Variants in RBFOX1 observed in about 807,000 individuals in gnomAD.
RBFOX1 encodes the protein RNA binding fox-1 homolog 1.
RBFOX1 carries 8 observed loss-of-function variants against 57.7 expected under a neutral mutation model. The observed-to-expected ratio is 0.14, with a 90% CI of 0.08 to 0.25. The LOEUF (loss-of-function observed/expected upper bound fraction) is 0.25. Among genes scored for constraint, RBFOX1 ranks in the 10% least tolerant of loss-of-function variants. RBFOX1 has a pLI of 1.00. For synonymous variants in RBFOX1, 326 were observed against 222.4 expected (o/e 1.47, Z -4.15); for missense variants, 611 against 548.5 (o/e 1.11, Z -1.14).
At chr16:5,793,581 G>GC (rs1350425716) in intron 3 of RBFOX1, among the ~76,000 whole-genome samples, 6 of 152,114 alleles carry the variant, frequency 3.9e-5, no homozygotes, top group Non-Finnish European at 5.9e-5. Context: ...CAGCCCCCAG[G>GC]CCCCTCTCTT....
chr16:7,137,288 G>A (rs1355866878), intron 4 of RBFOX1, among the ~76,000 whole-genome samples: 1 of 152,126 alleles, frequency 6.6e-6, no homozygotes, highest in South Asian at 2.1e-4. Context: ...CGGTTTGGCT[G>A]TGTCCCCAGC....
intron 2 of RBFOX1, among the ~76,000 whole-genome samples, chr16:6,559,413 A>G (rs2097149721): frequency 6.6e-6 from 1 of 152,126 alleles, no homozygotes; most frequent in Non-Finnish European, 1.5e-5. Context: ...CACAGCTGCT[A>G]GTACCACTGC....
At chr16:6,727,908 A>C (rs1259912285) in intron 3 of RBFOX1, among the ~76,000 whole-genome samples, 1 of 152,194 alleles carries the variant, frequency 6.6e-6, no homozygotes, top group Non-Finnish European at 1.5e-5. Context: ...GAAATCATAC[A>C]GCCTGTTTTG....
chr16:5,826,731 T>G (rs930687508), intron 3 of RBFOX1, among the ~76,000 whole-genome samples: 1 of 152,258 alleles, frequency 6.6e-6, no homozygotes, highest in Non-Finnish European at 1.5e-5. Context: ...ATCACATCCA[T>G]ATGCTGTCCT....
In RBFOX1 at chr16:6,641,888, A is replaced by AAC. The variant is rs973576260; in HGVS notation, c.-63-12706_-63-12705dup. On this transcript the variant is annotated intron_variant, in intron 2 of 15. Coordinates refer to ENST00000550418, the MANE Select transcript of RBFOX1 (RefSeq NM_018723.4). Reference sequence around the variant, plus strand: ...ATTACCCACTTTAGCTCACCTGGGGAACACACACACCACTGACCCAGTTAG... The same window carrying AAC: ...ATTACCCACTTTAGCTCACCTGGGGAACACACACACACCACTGACCCAGTTAG... 2.6e-5 allele frequency among the ~76,000 whole-genome samples: 4 copies of AAC among 151,862 alleles called. 1 individual carries two copies. The highest frequency in any genetic ancestry group is 2.6e-4 in the Admixed American group (4 of 15,234).
intron 2 of RBFOX1, among the ~76,000 whole-genome samples, chr16:5,589,829 C>A (rs1431345559): frequency 3.9e-5 from 6 of 152,196 alleles, no homozygotes; most frequent in African/African-American, 1.4e-4. Context: ...ACGTGACCCC[C>A]AGTGCAGCTC....
intron 2 of RBFOX1, among the ~76,000 whole-genome samples, chr16:6,649,420 A>G (rs1568039889): frequency 6.6e-6 from 1 of 152,180 alleles, no homozygotes; most frequent in African/African-American, 2.4e-5. Context: ...GATTACATGA[A>G]CAAGTTCTTC....
intron 3 of RBFOX1, among the ~76,000 whole-genome samples, chr16:6,919,678 C>A (rs1183951687): frequency 1.3e-5 from 2 of 151,530 alleles, no homozygotes; most frequent in Admixed American, 6.6e-5. Flanking sequence ...GAATCCAGAT[C>A]CATAAGACAT....
At chr16:5,855,482 T>G (rs748835502) in intron 3 of RBFOX1, among the ~76,000 whole-genome samples, 1 of 152,158 alleles carries the variant, frequency 6.6e-6, no homozygotes, top group Non-Finnish European at 1.5e-5. Flanking sequence ...AAGAGACTGT[T>G]CTTTCCACAT....
At chr16:5,769,767 C>T (rs1340186854) in intron 3 of RBFOX1, among the ~76,000 whole-genome samples, 1 of 152,172 alleles carries the variant, frequency 6.6e-6, no homozygotes, top group African/African-American at 2.4e-5. Flanking sequence ...CCTTCCCTTG[C>T]AGCCCTGAGG....
chr16:6,499,938 G>C (rs1372002522), intron 2 of RBFOX1, among the ~76,000 whole-genome samples: 3 of 152,196 alleles, frequency 2.0e-5, no homozygotes, highest in Admixed American at 2.0e-4. Flanking sequence ...TCTGTTTTGA[G>C]AAGGGCTTTC....
chr16:7,672,763 A>T (rs1040427410), intron 13 of RBFOX1, among the ~76,000 whole-genome samples: 5 of 147,256 alleles, frequency 3.4e-5, no homozygotes, highest in African/African-American at 9.9e-5. Flanking sequence ...GCTACTCGGG[A>T]GGCTGAGGCA....
chr16:5,760,428 G>T (rs533549689), intron 3 of RBFOX1, among the ~76,000 whole-genome samples: 1 of 152,028 alleles, frequency 6.6e-6, no homozygotes, highest in East Asian at 1.9e-4. Flanking sequence ...CCAAAGAATT[G>T]TAAGTAGGTA....
intron 4 of RBFOX1, among the ~76,000 whole-genome samples, chr16:5,962,554 T>A (rs1194826438): frequency 6.6e-6 from 1 of 152,214 alleles, no homozygotes; most frequent in Non-Finnish European, 1.5e-5. Context: ...TCATTGGGTC[T>A]AAATCTCATG....
At chr16:5,504,321 A>T (rs1191787566) in intron 2 of RBFOX1, among the ~76,000 whole-genome samples, 1 of 152,208 alleles carries the variant, frequency 6.6e-6, no homozygotes, top group East Asian at 1.9e-4. Flanking sequence ...GCCTGCCAGG[A>T]GCCTGCTGGG....
In RBFOX1 at chr16:5,571,386, G is replaced by GT. The variant is rs201108787; in HGVS notation, c.259-27508dup. On this transcript the variant is annotated intron_variant, in intron 2 of 2. Coordinates refer to the RBFOX1 transcript ENST00000585867. ...CAGGTGCACACCACCACGCCCAGCT[G>GT]TTTTTTTTAGTAGAGATGGGGTTTC... Among the ~76,000 whole-genome samples, 1,232 of 151,348 alleles carry GT rather than the reference G, an allele frequency of 8.1e-3. 8 individuals carry two copies. The highest frequency in any genetic ancestry group is 0.037 in the Middle Eastern group (11 of 294).
At chr16:7,487,734 G>T (rs562944491) in intron 4 of RBFOX1, among the ~76,000 whole-genome samples, 13 of 152,280 alleles carry the variant, frequency 8.5e-5, no homozygotes, top group East Asian at 5.8e-4. Context: ...CTCTGGAGCA[G>T]TCTGGATGCA....
At chr16:7,108,628 T>C (rs541927629) in intron 4 of RBFOX1, among the ~76,000 whole-genome samples, 1 of 152,230 alleles carries the variant, frequency 6.6e-6, no homozygotes, top group South Asian at 2.1e-4. Context: ...GCTTGTAAAA[T>C]AGGAAAGTCT....
chr16:5,830,821 C>T (rs79435718), intron 3 of RBFOX1, among the ~76,000 whole-genome samples: 37 of 152,236 alleles, frequency 2.4e-4, no homozygotes, highest in African/African-American at 8.7e-4. Context: ...TCAGGGTCTT[C>T]AGACTGTGTT....
Sources: gnomAD v4.1 joint callset for allele counts (sites outside exome capture counted in the v4.1 genomes callset) on GRCh38, gnomAD v4.1.1 for gene constraint, MANE v1.5 for transcripts, NCBI Gene and HGNC (gene_info 2026-07-23, HGNC 2026-07-21) for gene names.